The following ZSCAN5A variants were observed in gnomAD, a reference collection of about 807,000 sequenced individuals.
ZSCAN5A encodes the protein zinc finger and SCAN domain containing 5A, also known as zinc finger and SCAN domain-containing protein 5A.
ZSCAN5A carries 12 observed loss-of-function variants against 23.7 expected under a neutral mutation model. The observed-to-expected ratio is 0.51, with a 90% CI of 0.32 to 0.82. The LOEUF (loss-of-function observed/expected upper bound fraction) is 0.82. Among genes scored for constraint, ZSCAN5A ranks in the 40% least tolerant of loss-of-function variants. The pLI is 0.03. For synonymous variants in ZSCAN5A, 257 were observed against 239.9 expected, an observed-to-expected ratio of 1.07 and a Z score of -0.66; for missense variants, 597 against 617.9, an observed-to-expected ratio of 0.97 and a Z score of 0.36.
At position 56,285,536 on chromosome 19, in the gene ZSCAN5A, GT is replaced by G. The variant is rs200384376; in HGVS notation, c.-128+27746del. Among the ~76,000 whole-genome samples the G allele has an allele frequency of 2.6e-3, 392 of 151,982 alleles. 8 individuals carry two copies. The highest frequency in any genetic ancestry group is 0.018 in the Admixed American group (270 of 15,260). On this transcript the variant is annotated intron_variant, in intron 2 of 5. Transcript: ENST00000683990. ...TGAGCCTCTGGTTCATGTACATTTA[GT>G]TTTTTTTCTAATATATATGTTTTTA...
chr19:56,345,990 G>A (rs71352886), intron 2 of ZSCAN5A, among the ~76,000 whole-genome samples: 1 of 152,234 alleles, frequency 6.6e-6, no homozygotes, highest in African/African-American at 2.4e-5. Context: ...TCTACCCCAA[G>A]GGAGTTGCAC....
At chr19:56,277,763 T>A (rs574608394) in intron 2 of ZSCAN5A, among the ~76,000 whole-genome samples, 6 of 151,440 alleles carry the variant, frequency 4.0e-5, no homozygotes, top group Non-Finnish European at 7.4e-5. Flanking sequence ...GGAAGGAGGG[T>A]GGCAGGGAGG....
chr19:56,336,601 A>T (rs1339338223), intron 2 of ZSCAN5A, among the ~76,000 whole-genome samples: 1 of 151,858 alleles, frequency 6.6e-6, no homozygotes, highest in Non-Finnish European at 1.5e-5. Context: ...GTCATTCTCC[A>T]TCCAGCTTTG....
Position 56,308,331 on chromosome 19 carries a change from C to CT in ZSCAN5A, c.-128+4951dup, listed in dbSNP as rs543582885. 1.3e-3 allele frequency among the ~76,000 whole-genome samples: 195 copies of CT among 144,726 alleles called. 3 individuals carry two copies. The South Asian group carries it at 0.02, about 15-fold the overall frequency. 94.9% of individuals were successfully genotyped at this position (144,726 alleles called of 152,430 possible). A position where few individuals can be genotyped will look rare whatever the true frequency, so the allele number is the denominator to read the frequency against. ...ACAGGCGTGAGCGGTGGCTCCCAGT[C>CT]TTTTTTTTTTGAGATGGAGGCTCAC... On this transcript the variant is annotated intron_variant, in intron 2 of 5. Transcript: ENST00000683990.
intron 2 of ZSCAN5A, chr19:56,341,164 G>A (rs2041589398): frequency 6.6e-6 from 1 of 152,116 alleles, no homozygotes. Flanking sequence ...CGATATCAGA[G>A]ATTGAAGATC....
Position 56,244,508 on chromosome 19 carries a change from G to A in ZSCAN5A, c.-127-19335C>T, listed in dbSNP as rs558881513. On this transcript the variant is annotated intron_variant, in intron 2 of 5. Coordinates refer to ENST00000683990, the MANE Select transcript of ZSCAN5A (RefSeq NM_001322064.3). ...GGTGCAGCTGGACTCGAGAGGACCC[G>A]AGGGGCTGCTCTAGGTCAGGGCTTC... 3.5e-3 allele frequency: 5,045 copies of A among 1,443,280 alleles called. 18 individuals are homozygous for A. Among genetic ancestry groups the A allele is most frequent in the South Asian group, 9.4e-3 (681 of 72,170 alleles). 89.4% of individuals were successfully genotyped at this position (1,443,280 alleles called of 1,614,324 possible). A position where few individuals can be genotyped will look rare whatever the true frequency, so the allele number is the denominator to read the frequency against.
upstream of ZSCAN5A, chr19:56,317,584 G>A (rs1202333861): frequency 6.6e-6 from 1 of 152,290 alleles, no homozygotes; most frequent in Non-Finnish European, 1.5e-5. Flanking sequence ...GAAGACAACA[G>A]AATTTGTTTT....
chr19:56,273,311 G>A (rs2037993605), intron 2 of ZSCAN5A, among the ~76,000 whole-genome samples: 1 of 152,214 alleles, frequency 6.6e-6, no homozygotes, highest in African/African-American at 2.4e-5. Flanking sequence ...TAATTCTAGT[G>A]AGACTCCAGA....
intron 2 of ZSCAN5A, among the ~76,000 whole-genome samples, chr19:56,233,612 C>CA (rs1404810436): frequency 1.2e-4 from 16 of 135,442 alleles, no homozygotes; most frequent in Non-Finnish European, 2.6e-4. Flanking sequence ...ATGAAATCAC[C>CA]TTTTTTTTTT....
At chr19:56,318,233 T>C (rs2041338422), upstream of ZSCAN5A, among the ~76,000 whole-genome samples, 2 of 151,070 alleles carry the variant, frequency 1.3e-5, no homozygotes, top group Admixed American at 1.3e-4. Flanking sequence ...TTCACCAGCT[T>C]TTTTTTTTGA....
At chr19:56,279,135 T>C (rs1232321881) in intron 2 of ZSCAN5A, among the ~76,000 whole-genome samples, 2 of 152,226 alleles carry the variant, frequency 1.3e-5, no homozygotes. Flanking sequence ...TACTGCTATA[T>C]GGGTGCCTTA....
At chr19:56,274,543 G>C (rs1402422090) in intron 2 of ZSCAN5A, 1 of 151,690 alleles carries the variant, frequency 6.6e-6, no homozygotes, top group Non-Finnish European at 1.5e-5. Context: ...TTGAGGAAAA[G>C]TCACAAAAAT....
At chr19:56,289,854 T>A (rs1203284491) in intron 2 of ZSCAN5A, among the ~76,000 whole-genome samples, 1 of 152,158 alleles carries the variant, frequency 6.6e-6, no homozygotes, top group Non-Finnish European at 1.5e-5. Flanking sequence ...GCTCAAGCAA[T>A]CTTCCCATCT....
At chr19:56,227,813 G>C (rs2146447067) in intron 2 of ZSCAN5A, among the ~76,000 whole-genome samples, 2 of 152,282 alleles carry the variant, frequency 1.3e-5, no homozygotes, top group East Asian at 3.9e-4. Flanking sequence ...CTAACAGGTT[G>C]GAAGACCGAC....
Position 56,225,156 on chromosome 19 carries a change from C to G in ZSCAN5A, c.-110G>C. ...CTCTGGTTTTCCTCAGTAATAGATT[C>G]ACTGTTCATTCAGAAGTCTGGGGGG... is the stretch of plus-strand genomic sequence containing the variant. On this transcript the variant is annotated 5_prime_UTR_variant, in exon 3 of 6. Transcript: ENST00000683990. 1 of 1,470,516 alleles carries G rather than the reference C, an allele frequency of 6.8e-7. No individual in the cohort carries two copies. The highest frequency in any genetic ancestry group is 8.9e-7 in the Non-Finnish European group (1 of 1,121,820). The allele number at this position is 1,470,516 out of a possible 1,614,324, so 91.1% of individuals were successfully genotyped here. A position where few individuals can be genotyped will look rare whatever the true frequency, so the allele number is the denominator to read the frequency against.
chr19:56,289,243 A>G (rs1179715914), intron 2 of ZSCAN5A, among the ~76,000 whole-genome samples: 1 of 152,192 alleles, frequency 6.6e-6, no homozygotes, highest in Non-Finnish European at 1.5e-5. Context: ...TGTCTCTTGT[A>G]AGCTAGCTTC....
chr19:56,270,726 C>G (rs2146949020), intron 2 of ZSCAN5A, among the ~76,000 whole-genome samples: 1 of 150,968 alleles, frequency 6.6e-6, no homozygotes. Context: ...TCATCACTTC[C>G]TAGTTGTGGC....
In ZSCAN5A at chr19:56,351,938, T is replaced by C. The variant is rs534532305; in HGVS notation, c.-358+11297A>G. Among the ~76,000 whole-genome samples, 1 of 152,276 alleles carries C rather than the reference T, an allele frequency of 6.6e-6. No homozygotes were observed. The highest frequency in any genetic ancestry group is 2.1e-4 in the South Asian group (1 of 4,828). On this transcript the variant is annotated intron_variant, in intron 2 of 6. Coordinates refer to the ZSCAN5A transcript ENST00000587340. The surrounding 1 kb of genome is among the most constrained non-coding windows in gnomAD (Gnocchi z 4.8). ...GACCTGAGACGTTTGCAAGATGAAA[T>C]TGTGTTGCGGGATGAAGATGTCATT... is the stretch of plus-strand genomic sequence containing the variant.
chr19:56,257,175 G>A (rs2036762794), intron 2 of ZSCAN5A, among the ~76,000 whole-genome samples: 1 of 149,856 alleles, frequency 6.7e-6, no homozygotes, highest in African/African-American at 2.4e-5. Flanking sequence ...CGAGTTTGCA[G>A]AAGGAGTGAT....
Sources: allele counts gnomAD v4.1 joint callset (sites outside exome capture counted in the v4.1 genomes callset), GRCh38; gene constraint gnomAD v4.1.1; non-coding constraint Gnocchi (gnomAD v3.1); transcripts MANE v1.5; gene names NCBI Gene and HGNC (gene_info 2026-07-23, HGNC 2026-07-21).